Variants in ADGRG2 observed in about 807,000 individuals in gnomAD.
The protein encoded by ADGRG2 is G protein-coupled receptor 64.
A neutral mutation model predicts 74.1 loss-of-function variants in ADGRG2; 26 were observed. The observed-to-expected ratio is 0.35, with a 90% CI of 0.26 to 0.49. ADGRG2 has a LOEUF of 0.49. Ranked by LOEUF, ADGRG2 falls within the 20% of genes least tolerant of loss-of-function variation. ADGRG2 has a pLI of 0.99. For missense variants in ADGRG2, 619 were observed against 763.1 expected (o/e 0.81, Z 2.22); for synonymous variants, 296 against 295.2 (o/e 1.00, Z -0.03).
At chrX:19,079,732 C>A (rs771651152) in intron 2 of ADGRG2, among the ~76,000 whole-genome samples, 2 of 111,762 alleles carry the variant, frequency 1.8e-5, no homozygotes, top group Non-Finnish European at 3.8e-5. Context: ...CTTTACAGTG[C>A]AAAAATGATT....
intron 1 of ADGRG2, among the ~76,000 whole-genome samples, chrX:19,089,305 G>C (rs960982337): frequency 1.8e-5 from 2 of 110,749 alleles, no homozygotes; most frequent in Non-Finnish European, 3.8e-5. Context: ...GTGGGAGGAG[G>C]GAGAGGATCA....
Position 19,107,875 on chromosome X carries a change from C to T in ADGRG2, c.-47+14567G>A, listed in dbSNP as rs1476567840. On this transcript the variant is annotated intron_variant, in intron 1 of 28. Coordinates refer to ENST00000379869, the MANE Select transcript of ADGRG2 (RefSeq NM_001079858.3). Reference sequence around the variant, plus strand: ...CAGCACTTTGGGAGGCTGAGGCGGGCGGATCACAAAGTCAGGAGATCGAGA... The same window carrying T: ...CAGCACTTTGGGAGGCTGAGGCGGGTGGATCACAAAGTCAGGAGATCGAGA... Among the ~76,000 whole-genome samples the T allele has an allele frequency of 1.9e-4, 21 of 107,950 alleles. No individual in the cohort carries two copies. The East Asian group carries it at 2.6e-3, about 13-fold the overall frequency. 93.7% of individuals were successfully genotyped at this position (107,950 alleles called of 115,157 possible).
chrX:19,060,100 C>A (rs1001288153), intron 3 of ADGRG2, among the ~76,000 whole-genome samples: 4 of 111,677 alleles, frequency 3.6e-5, no homozygotes, highest in Non-Finnish European at 5.6e-5. Flanking sequence ...CCACTGCACT[C>A]CAGCCTGGAC....
At chrX:19,094,417 A>G (rs765993732) in intron 1 of ADGRG2, among the ~76,000 whole-genome samples, 3 of 110,623 alleles carry the variant, frequency 2.7e-5, no homozygotes, top group Non-Finnish European at 5.7e-5. Flanking sequence ...AGCAGGCCTC[A>G]GTGACCAGGC....
chrX:19,020,993 G>A, intron 14 of ADGRG2, 111 bp downstream of exon 14: 1 of 517,905 alleles, frequency 1.9e-6, no homozygotes, highest in South Asian at 2.7e-5. Context: ...GGACAAAGGA[G>A]TCAAAACAGA....
At chrX:19,039,114 C>T in intron 4 of ADGRG2, 2 of 283,779 alleles carry the variant, frequency 7.0e-6, no homozygotes, top group Admixed American at 8.0e-5. Context: ...CCCTAATTTA[C>T]AGGAGAGGAA....
rs750115748 is a variant in ADGRG2 at position 19,009,539 on chromosome X, A to G, written c.1422+87T>C. 1.1e-5 allele frequency: 9 copies of G among 827,876 alleles called. No homozygotes were observed. The African/African-American group carries it at 1.6e-4, about 15-fold the overall frequency. The allele number at this position is 827,876 out of a possible 1,213,427, so 68.2% of individuals were successfully genotyped here. On this transcript the variant is annotated intron_variant, in intron 18 of 28. Coordinates refer to ENST00000379869, the MANE Select transcript of ADGRG2 (RefSeq NM_001079858.3). The stretch of plus-strand genomic sequence containing the variant: ...ATTTTGAATATCACCCCTGACTATA[A>G]GCAGTAATTGCCTCAATCATGAAAT...
chrX:19,084,864 G>C (rs1406619745), intron 1 of ADGRG2, among the ~76,000 whole-genome samples: 2 of 112,253 alleles, frequency 1.8e-5, no homozygotes, highest in South Asian at 3.7e-4. Flanking sequence ...CATGACATTT[G>C]TTTTTCCCAG....
chrX:19,087,951 G>T (rs796881952), intron 1 of ADGRG2, among the ~76,000 whole-genome samples: 1 of 110,401 alleles, frequency 9.1e-6, no homozygotes, highest in East Asian at 2.8e-4. Flanking sequence ...AATGTTGCTG[G>T]TCACCTCTGC....
chrX:19,087,155 G>C (rs139407669), intron 1 of ADGRG2, among the ~76,000 whole-genome samples: 1 of 111,979 alleles, frequency 8.9e-6, no homozygotes, highest in African/African-American at 3.2e-5. Context: ...TGCCTAATAG[G>C]ACCCTGACCT....
At chrX:19,112,310 C>G (rs1293543222) in intron 1 of ADGRG2, among the ~76,000 whole-genome samples, 1 of 110,750 alleles carries the variant, frequency 9.0e-6, no homozygotes, top group East Asian at 2.8e-4. Context: ...CTGGGCTCAA[C>G]TGATCCTCCA....
chrX:19,007,667 C>T (rs373141388), intron 19 of ADGRG2, among the ~76,000 whole-genome samples: 3 of 112,002 alleles, frequency 2.7e-5, no homozygotes, highest in Admixed American at 1.9e-4. Context: ...CGTCTCTCTG[C>T]GCCTCCATGG....
chrX:19,106,312 C>T (rs1123799), intron 1 of ADGRG2, among the ~76,000 whole-genome samples: 2 of 110,373 alleles, frequency 1.8e-5, no homozygotes, highest in Admixed American at 9.7e-5. Context: ...ATGTGCAGCT[C>T]GTGGCTGGAA....
chrX:19,038,553 T>C (rs2060990102), intron 4 of ADGRG2, among the ~76,000 whole-genome samples: 1 of 112,827 alleles, frequency 8.9e-6, no homozygotes, highest in Admixed American at 9.4e-5. Flanking sequence ...AGTGTAGATA[T>C]AGAATCCTTT....
intron 11 of ADGRG2, among the ~76,000 whole-genome samples, chrX:19,025,239 G>T (rs373151658): frequency 9.0e-6 from 1 of 111,573 alleles, no homozygotes; most frequent in Non-Finnish European, 1.9e-5. Context: ...GTTGCATCTT[G>T]TGTCTTCCCC....
intron 1 of ADGRG2, among the ~76,000 whole-genome samples, chrX:19,119,912 A>T (rs2062583957): frequency 8.9e-6 from 1 of 112,129 alleles, no homozygotes; most frequent in Non-Finnish European, 1.9e-5. Context: ...ACAAAATCAT[A>T]TCCATAGTTA....
intron 1 of ADGRG2, among the ~76,000 whole-genome samples, chrX:19,112,987 C>A (rs7884859): frequency 1.0e-3 from 86 of 84,357 alleles, no homozygotes; most frequent in East Asian, 5.2e-3. Flanking sequence ...AAAAAAAAAA[C>A]CAAAAAAAAA....
intron 5 of ADGRG2, 49 bp from the exon 6 acceptor site, chrX:19,037,539 A>G (rs369352437): frequency 2.6e-6 from 3 of 1,147,227 alleles, no homozygotes; most frequent in Admixed American, 2.3e-5. Flanking sequence ...TTAAAACAAA[A>G]CTTTAACAAA....
At chrX:19,102,941 G>A (rs1050895404) in intron 1 of ADGRG2, among the ~76,000 whole-genome samples, 1 of 111,638 alleles carries the variant, frequency 9.0e-6, no homozygotes, top group Non-Finnish European at 1.9e-5. Context: ...GGCAGCCCAA[G>A]TTGACTAAGA....
Sources: allele counts gnomAD v4.1 joint callset (sites outside exome capture counted in the v4.1 genomes callset), GRCh38; gene constraint gnomAD v4.1.1; transcripts MANE v1.5; gene names NCBI Gene and HGNC (gene_info 2026-07-23, HGNC 2026-07-21).